Variants in SRP19 observed in about 807,000 individuals in gnomAD.
The protein encoded by SRP19 is signal recognition particle 19 kDa protein.
SRP19 carries 11 observed loss-of-function variants against 22.4 expected under a neutral mutation model. That is an observed-to-expected ratio of 0.49 (90% CI 0.31 to 0.81). The LOEUF is 0.81. Among genes scored for constraint, SRP19 ranks in the 40% least tolerant of loss-of-function variants. The pLI is 0.05. For missense variants in SRP19, 168 were observed against 175.9 expected (o/e 0.96, Z 0.25); for synonymous variants, 61 against 57.6 (o/e 1.06, Z -0.27).
chr5:112,879,027 C>G (rs554115752), intron 4 of SRP19, among the ~76,000 whole-genome samples: 5 of 151,922 alleles, frequency 3.3e-5, no homozygotes, highest in Admixed American at 1.3e-4. Flanking sequence ...CCTCTTAGAG[C>G]ACAAATCCTA....
intron 4 of SRP19, among the ~76,000 whole-genome samples, chr5:112,882,926 C>T (rs1286654386): frequency 1.3e-5 from 2 of 152,166 alleles, no homozygotes; most frequent in Non-Finnish European, 2.9e-5. Context: ...GTCACATGTG[C>T]TCACAGCATA....
Position 112,867,418 on chromosome 5 carries a change from T to G in SRP19, c.316T>G (p.Leu106Val), listed in dbSNP as rs750422062. ...CTGGTTCCTAGGTAAGTCAGTAATG[T>G]TGTATGCAGCAGAAATGATACCTAA... The part of the protein sequence containing the change: ...VQFPSRKSVM[L>V]YAAEMIPKLK... The change falls in exon 5 of 5, where the codon TTG becomes GTG. Residue 106 changes from leucine (L) to valine (V), a missense_variant. Coordinates refer to ENST00000505459, the MANE Select transcript of SRP19 (RefSeq NM_003135.3). 3 of 1,613,580 alleles carry G rather than the reference T, an allele frequency of 1.9e-6. No individual in the cohort carries two copies. The highest frequency in any genetic ancestry group is 1.6e-4 in the Middle Eastern group (1 of 6,076).
chr5:112,866,123 T>C (rs1392239899), intron 4 of SRP19, among the ~76,000 whole-genome samples: 1 of 151,916 alleles, frequency 6.6e-6, no homozygotes, highest in African/African-American at 2.4e-5. Context: ...TTTCTTTTTT[T>C]TTTTTTTTCT....
At position 112,891,728 on chromosome 5, in the gene SRP19, A is replaced by C; in HGVS notation, c.*121A>C. On this transcript the variant is annotated 3_prime_UTR_variant, in exon 5 of 5. Transcript: ENST00000391338. ...AAAAAGTACAGGGCCGCCCTGAAGA[A>C]GGAGAAACGAAAGAAACGTCGGCAG... The C allele has an allele frequency of 1.9e-6, 3 of 1,614,172 alleles. No individual in the cohort carries two copies. In the African/African-American group the frequency reaches 4.0e-5, roughly 22 times the overall value.
chr5:112,861,361 T>A lies in SRP19; in HGVS notation c.-16T>A. 1 of 1,613,558 alleles carries A rather than the reference T, an allele frequency of 6.2e-7. No homozygotes were observed. Among genetic ancestry groups the A allele is most frequent in the South Asian group, 1.1e-5 (1 of 91,070 alleles). ...TTTCTCCCTGCGGCTCCTGGGTTGT[T>A]GAGACTCTTGTGAAGATGGCTTGCG... On this transcript the variant is annotated 5_prime_UTR_variant, in exon 1 of 5. Coordinates refer to ENST00000505459, the MANE Select transcript of SRP19 (RefSeq NM_003135.3).
At chr5:112,894,639 C>T (rs1768623433), downstream of SRP19, 1 of 152,190 alleles carries the variant, frequency 6.6e-6, no homozygotes, top group South Asian at 2.1e-4. Flanking sequence ...GCAATTGTTA[C>T]TTACTATATT....
At chr5:112,893,979 GAATTA>G (rs1170685233), downstream of SRP19, 4 of 152,164 alleles carry the variant, frequency 2.6e-5, no homozygotes, top group African/African-American at 9.7e-5. Context: ...CCAAAATGGA[GAATTA>G]AATGACTGTA....
downstream of SRP19, chr5:112,893,271 G>T (rs1296471421): frequency 1.1e-5 from 3 of 270,342 alleles, no homozygotes; most frequent in Non-Finnish European, 2.1e-5. Context: ...TTAGCCAGGT[G>T]TGGTGGCAGG....
intron 4 of SRP19, 29 bp from the exon 5 acceptor site, chr5:112,867,374 TA>T: frequency 6.2e-7 from 1 of 1,605,722 alleles, no homozygotes; most frequent in Non-Finnish European, 8.5e-7. Flanking sequence ...TTTCTCAGAT[TA>T]TACACTAAGC....
At position 112,861,417 on chromosome 5, in the gene SRP19, G is replaced by C; in HGVS notation, c.41G>C (p.Arg14Thr). 1 of 1,613,898 alleles carries C rather than the reference G, an allele frequency of 6.2e-7. No individual in the cohort carries two copies. The highest frequency in any genetic ancestry group is 8.5e-7 in the Non-Finnish European group (1 of 1,179,898). Residue 14 changes from arginine (R) to threonine (T), a missense_variant and splice_region_variant, in exon 1 of 5, where the codon AGG (arginine) becomes ACG (threonine). Coordinates refer to ENST00000505459, the MANE Select transcript of SRP19 (RefSeq NM_003135.3). The part of the protein sequence containing the change: ...AAARSPADQD[R>T]FICIYPAYLN... ...GCGCGGTCCCCGGCCGACCAGGACA[G>C]GTGGGTTCTGAGGCGGTGGGTCCTC... is the stretch of plus-strand genomic sequence containing the variant.
intron 4 of SRP19, chr5:112,878,782 T>C (rs921228839): frequency 4.6e-5 from 74 of 1,613,990 alleles, no homozygotes; most frequent in Non-Finnish European, 5.8e-5. Context: ...CCATCCAGTC[T>C]GGTTTAGGTG....
intron 4 of SRP19, among the ~76,000 whole-genome samples, chr5:112,884,339 C>G (rs1768165758): frequency 1.3e-5 from 2 of 152,044 alleles, no homozygotes; most frequent in Admixed American, 6.6e-5. Context: ...GTATATGCAG[C>G]TCATTCTAAA....
intron 4 of SRP19, among the ~76,000 whole-genome samples, chr5:112,880,239 C>T (rs984698837): frequency 6.6e-6 from 1 of 152,088 alleles, no homozygotes; most frequent in East Asian, 1.9e-4. Flanking sequence ...ACAGTGAGAG[C>T]CCATCTCTAT....
chr5:112,892,878 C>A, exon 5 of SRP19: 1 of 1,612,720 alleles, frequency 6.2e-7, no homozygotes, highest in Non-Finnish European at 8.5e-7. Context: ...AGAAATCTCA[C>A]AAACGCACAT....
downstream of SRP19, among the ~76,000 whole-genome samples, chr5:112,871,377 C>T (rs184698679): frequency 1.4e-4 from 21 of 151,158 alleles, no homozygotes; most frequent in African/African-American, 4.1e-4. Flanking sequence ...GGCACAATCA[C>T]GGCTCAGTGC....
chr5:112,887,180 C>T lies in SRP19; in HGVS notation c.302-4423C>T, dbSNP rs749277343. 1.1e-5 allele frequency: 17 copies of T among 1,586,200 alleles called. No individual in the cohort carries two copies. The East Asian group carries it at 3.4e-4, about 31-fold the overall frequency. ...GGGGCCATGCACCACAACAGGAAGC[C>T]ACACTGCACAGAAAAAGAGCCAGCA... On this transcript the variant is annotated intron_variant, in intron 4 of 4. Coordinates refer to the SRP19 transcript ENST00000391338.
intron 2 of SRP19, among the ~76,000 whole-genome samples, chr5:112,863,562 G>A (rs906971350): frequency 6.6e-6 from 1 of 152,140 alleles, no homozygotes; most frequent in African/African-American, 2.4e-5. Context: ...GTGTGGGTAG[G>A]GGTAGGGAGG....
intron 4 of SRP19, among the ~76,000 whole-genome samples, chr5:112,875,125 T>C (rs572171252): frequency 1.3e-5 from 2 of 152,230 alleles, no homozygotes; most frequent in East Asian, 1.9e-4. Flanking sequence ...AACTCTTAAA[T>C]GTGTATGTTG....
chr5:112,876,185 T>C (rs965611425), intron 4 of SRP19, among the ~76,000 whole-genome samples: 9 of 152,200 alleles, frequency 5.9e-5, no homozygotes, highest in African/African-American at 2.2e-4. Flanking sequence ...GTAGAAACTT[T>C]TTGAGTTGGT....
Sources: gnomAD v4.1 joint callset for allele counts (sites outside exome capture counted in the v4.1 genomes callset) on GRCh38, gnomAD v4.1.1 for gene constraint, MANE v1.5 for transcripts, NCBI Gene and HGNC (gene_info 2026-07-23, HGNC 2026-07-21) for gene names.